AP4M1: variants seen among roughly 807,000 people sequenced by gnomAD.
AP4M1 encodes the protein AP-4 complex subunit mu-1.
A neutral mutation model predicts 62.4 loss-of-function variants in AP4M1; 58 were observed. That is an observed-to-expected ratio of 0.93 (90% CI 0.75 to 1.16). AP4M1 has a LOEUF of 1.16. AP4M1 is among the 50% of genes most tolerant of loss of function. The pLI is 0.00. For missense variants in AP4M1, 626 were observed against 585.4 expected, an observed-to-expected ratio of 1.07 and a Z score of -0.72; for synonymous variants, 290 against 239.7, an observed-to-expected ratio of 1.21 and a Z score of -1.94.
intron 12 of AP4M1, 49 bp from the exon 13 acceptor site, chr7:100,106,192 A>C (rs2116667074): frequency 6.2e-7 from 1 of 1,607,138 alleles, no homozygotes; most frequent in East Asian, 2.2e-5. Context: ...GGAACAGGAC[A>C]AGGGACTGTG....
chr7:100,101,481 C>G (rs924881190), upstream of AP4M1: 1 of 821,580 alleles, frequency 1.2e-6, no homozygotes, highest in African/African-American at 1.7e-5. Flanking sequence ...CTCCCGCTAG[C>G]CGCAAGCCAA....
At chr7:100,105,606 C>A in intron 11 of AP4M1, 67 bp downstream of exon 11, 1 of 1,473,430 alleles carries the variant, frequency 6.8e-7, no homozygotes, top group Non-Finnish European at 9.4e-7. Context: ...GTTCCCAAGA[C>A]TCACTGCAGA....
In AP4M1 at chr7:100,108,785, C is replaced by G. The variant is rs1387535024; in HGVS notation, c.*1903C>G. 1.4e-5 allele frequency: 5 copies of G among 366,958 alleles called. No individual in the cohort carries two copies. The highest frequency in any genetic ancestry group is 2.5e-5 in the Non-Finnish European group (5 of 203,766). The allele number at this position is 366,958 out of a possible 1,614,324, so 22.7% of individuals were successfully genotyped here. A position where few individuals can be genotyped will look rare whatever the true frequency, so the allele number is the denominator to read the frequency against. On this transcript the variant is annotated 3_prime_UTR_variant, in exon 15 of 15. Coordinates refer to ENST00000359593, the MANE Select transcript of AP4M1 (RefSeq NM_004722.4). ...GGTGCAGCATCTTAGGCCTGTATCCCAGCACTTGGGAGGCTGAGGTGGGTG... is the reference window on the plus strand; with the variant it reads ...GGTGCAGCATCTTAGGCCTGTATCCGAGCACTTGGGAGGCTGAGGTGGGTG...
At chr7:100,101,217 G>C (rs763188631), upstream of AP4M1, 1 of 1,610,820 alleles carries the variant, frequency 6.2e-7, no homozygotes, top group Non-Finnish European at 8.5e-7. Context: ...GGTGTTCCCC[G>C]GGAGGCTCCC....
chr7:100,101,582 C>T (rs551437300), upstream of AP4M1: 2 of 1,013,808 alleles, frequency 2.0e-6, no homozygotes, highest in East Asian at 2.5e-5. Flanking sequence ...CCGGGTTTCC[C>T]GCGGTCCGAG....
At chr7:100,104,491 G>A (rs1300331152) in intron 7 of AP4M1, among the ~76,000 whole-genome samples, 2 of 151,740 alleles carry the variant, frequency 1.3e-5, no homozygotes, top group Admixed American at 6.6e-5. Context: ...GTCACTGCAC[G>A]CTAGCCCGGA....
chr7:100,105,843 T>C (rs754838818), intron 11 of AP4M1, 116 bp from the exon 12 acceptor site: 2 of 1,283,796 alleles, frequency 1.6e-6, no homozygotes, highest in Non-Finnish European at 2.3e-6. Context: ...TCAGCCCTTT[T>C]CCCTCTTGGG....
In AP4M1 at chr7:100,101,657, C is replaced by A; in HGVS notation, c.-58C>A. On this transcript the variant is annotated 5_prime_UTR_variant, in exon 1 of 15. Transcript: ENST00000359593. ...GCACACGCGTTCTTTTGTTCCGGGG[C>A]CGCAGGGCGGGGCAGGCCCGACTTT... 1 of 1,518,154 alleles carries A rather than the reference C, an allele frequency of 6.6e-7. No individual in the cohort carries two copies. The highest frequency in any genetic ancestry group is 9.1e-7 in the Non-Finnish European group (1 of 1,094,106). 94.0% of individuals were successfully genotyped at this position (1,518,154 alleles called of 1,614,324 possible). A position where few individuals can be genotyped will look rare whatever the true frequency, so the allele number is the denominator to read the frequency against.
At chr7:100,101,134 G>C, upstream of AP4M1, 1 of 1,177,184 alleles carries the variant, frequency 8.5e-7, no homozygotes, top group East Asian at 2.4e-5. Context: ...GCCGCAGCTC[G>C]ACCCTGCCTC....
Position 100,108,576 on chromosome 7 carries a change from C to T in AP4M1, c.*1694C>T. On this transcript the variant is annotated 3_prime_UTR_variant, in exon 15 of 15. Coordinates refer to ENST00000359593, the MANE Select transcript of AP4M1 (RefSeq NM_004722.4). Reference sequence around the variant, plus strand: ...GAAAAAAAGCCAGGTAGAGGGAGGGCTGGGGAAAAAAGCCAGGTAGAGGGA... The same window carrying T: ...GAAAAAAAGCCAGGTAGAGGGAGGGTTGGGGAAAAAAGCCAGGTAGAGGGA... The T allele has an allele frequency of 6.4e-7, 1 of 1,562,522 alleles. No homozygotes were observed. The highest frequency in any genetic ancestry group is 8.7e-7 in the Non-Finnish European group (1 of 1,151,116).
In AP4M1 at chr7:100,108,558, AG is replaced by A. The variant is rs760633502; in HGVS notation, c.*1677del. 6.3e-6 allele frequency: 10 copies of A among 1,580,488 alleles called. No homozygotes were observed. The highest frequency in any genetic ancestry group is 8.6e-6 in the Non-Finnish European group (10 of 1,158,090). On this transcript the variant is annotated 3_prime_UTR_variant, in exon 15 of 15. Coordinates refer to ENST00000359593, the MANE Select transcript of AP4M1 (RefSeq NM_004722.4). ...CAGTGTTTCTGCAGAACAGAAAAAA[AG>A]CCAGGTAGAGGGAGGGCTGGGGAAA...
rs997403760 is a variant in AP4M1, at chr7:100,107,773, G to A, written c.*891G>A. 3 of 1,395,476 alleles carry A rather than the reference G, an allele frequency of 2.1e-6. No individual in the cohort carries two copies. Among genetic ancestry groups the A allele is most frequent in the Non-Finnish European group, 2.9e-6 (3 of 1,043,868 alleles). 86.4% of individuals were successfully genotyped at this position (1,395,476 alleles called of 1,614,324 possible). A position where few individuals can be genotyped will look rare whatever the true frequency, so the allele number is the denominator to read the frequency against. Reference sequence around the variant, plus strand: ...TATGGCTGGAGACCTTGTTCATGCAGGGCAGCTACAGCCCTGCAGGACCCT... The same window carrying A: ...TATGGCTGGAGACCTTGTTCATGCAAGGCAGCTACAGCCCTGCAGGACCCT... On this transcript the variant is annotated 3_prime_UTR_variant, in exon 15 of 15. Transcript: ENST00000359593.
rs774646136 is a variant in AP4M1 at position 100,105,470 on chromosome 7, C to T, written c.860C>T (p.Ser287Phe). ...CTGACTGTGATGCGGTACCAACTCT[C>T]CGATGACCTCCCCTCACCGCTCCCC... ...GELTVMRYQLSDDLPSPLPFR... is the reference protein window; with the variant it reads ...GELTVMRYQLFDDLPSPLPFR... Residue 287 changes from serine to phenylalanine, a missense_variant, in exon 11 of 15, where the codon TCC becomes TTC. Coordinates refer to ENST00000359593, the MANE Select transcript of AP4M1 (RefSeq NM_004722.4). The T allele has an allele frequency of 6.8e-6, 11 of 1,614,002 alleles. No homozygotes were observed. The Admixed American group carries it at 1.8e-4, about 27-fold the overall frequency.
Position 100,105,957 on chromosome 7 carries a change from A to C in AP4M1, c.930-2A>C. 1 of 1,614,090 alleles carries C rather than the reference A, an allele frequency of 6.2e-7. No homozygotes were observed. The highest frequency in any genetic ancestry group is 8.5e-7 in the Non-Finnish European group (1 of 1,180,012). ...GTCGTGGTGTTTTACCCTCTCATCC[A>C]GGCTCCAGGTTTATCTAAAGTTGCG... On this transcript the variant is annotated splice_acceptor_variant, in intron 11 of 14. Transcript: ENST00000359593. LOFTEE classifies it high-confidence loss of function.
Position 100,107,494 on chromosome 7 carries a change from C to T in AP4M1, c.*612C>T. On this transcript the variant is annotated 3_prime_UTR_variant, in exon 15 of 15. Coordinates refer to ENST00000359593, the MANE Select transcript of AP4M1 (RefSeq NM_004722.4). The stretch of plus-strand genomic sequence containing the variant: ...TGGACACTCCCAGGACCAGAGGGAG[C>T]AGTGCTGGGGGGTGCGGTGGTGGCG... 1.2e-6 allele frequency: 2 copies of T among 1,614,000 alleles called. No individual in the cohort carries two copies. The highest frequency in any genetic ancestry group is 1.7e-6 in the Non-Finnish European group (2 of 1,179,958).
At position 100,107,153 on chromosome 7, in the gene AP4M1, C is replaced by T. The variant is rs775910896; in HGVS notation, c.*271C>T. 723 of 1,477,270 alleles carry T rather than the reference C, an allele frequency of 4.9e-4. No individual in the cohort carries two copies. Among genetic ancestry groups the T allele is most frequent in the Non-Finnish European group, 6.1e-4 (672 of 1,106,894 alleles). The allele number at this position is 1,477,270 out of a possible 1,614,324, so 91.5% of individuals were successfully genotyped here. A position where few individuals can be genotyped will look rare whatever the true frequency, so the allele number is the denominator to read the frequency against. On this transcript the variant is annotated 3_prime_UTR_variant, in exon 15 of 15. Transcript: ENST00000359593. ...AAAGTGACATGAAGGAAGCAATCTACAACTTCCTTCCGCTTAGCGAGCATG... is the reference window on the plus strand; with the variant it reads ...AAAGTGACATGAAGGAAGCAATCTATAACTTCCTTCCGCTTAGCGAGCATG...
rs1371011381 is a variant in AP4M1, at chr7:100,107,177, T to C, written c.*295T>C. 2 of 1,516,818 alleles carry C rather than the reference T, an allele frequency of 1.3e-6. No individual in the cohort carries two copies. Among genetic ancestry groups the C allele is most frequent in the Non-Finnish European group, 1.8e-6 (2 of 1,134,996 alleles). The allele number at this position is 1,516,818 out of a possible 1,614,324, so 94.0% of individuals were successfully genotyped here. On this transcript the variant is annotated 3_prime_UTR_variant, in exon 15 of 15. Transcript: ENST00000359593. The stretch of plus-strand genomic sequence containing the variant: ...ACAACTTCCTTCCGCTTAGCGAGCA[T>C]GCATGTGTGTACGTGCACGTGTGTA...
chr7:100,107,004 A>G lies in AP4M1; in HGVS notation c.*122A>G. ...CTGGGCAGGAAGAGTCCTCAGTCCC[A>G]AGACCAGGAGGGGGCAATGGGCCCA... On this transcript the variant is annotated 3_prime_UTR_variant, in exon 15 of 15. Coordinates refer to ENST00000359593, the MANE Select transcript of AP4M1 (RefSeq NM_004722.4). 2 of 1,313,000 alleles carry G rather than the reference A, an allele frequency of 1.5e-6. No individual in the cohort carries two copies. The highest frequency in any genetic ancestry group is 2.5e-5 in the South Asian group (2 of 79,620). The allele number at this position is 1,313,000 out of a possible 1,614,324, so 81.3% of individuals were successfully genotyped here. A position where few individuals can be genotyped will look rare whatever the true frequency, so the allele number is the denominator to read the frequency against.
Position 100,104,862 on chromosome 7 carries a change from C to T in AP4M1, c.607-12C>T, listed in dbSNP as rs1375819668. 5 of 1,613,914 alleles carry T rather than the reference C, an allele frequency of 3.1e-6. No individual in the cohort carries two copies. In the African/African-American group the frequency reaches 6.7e-5, roughly 22 times the overall value. On this transcript the variant is annotated splice_polypyrimidine_tract_variant and intron_variant, in intron 7 of 14. Transcript: ENST00000359593. ...AAAAAAAGACTCTAACCTTGACGCC[C>T]CTGCCTCTCAGGGATCCCTGCTGAA...
Sources: allele counts gnomAD v4.1 joint callset (sites outside exome capture counted in the v4.1 genomes callset), GRCh38; gene constraint gnomAD v4.1.1; transcripts MANE v1.5; gene names NCBI Gene and HGNC (gene_info 2026-07-23, HGNC 2026-07-21).